The following IL17RD variants were observed in gnomAD, a reference collection of about 807,000 sequenced individuals.
The protein encoded by IL17RD is interleukin 17 receptor D.
Under a neutral mutation model 80.5 loss-of-function variants are expected in IL17RD, and 52 were observed. The observed-to-expected ratio is 0.65, with a 90% CI of 0.52 to 0.81. IL17RD has a LOEUF of 0.81. Among genes scored for constraint, IL17RD ranks in the 40% least tolerant of loss-of-function variants. The pLI is 0.00. For synonymous variants in IL17RD, 416 were observed against 391.8 expected (o/e 1.06, Z -0.73); for missense variants, 1,024 against 955.1 (o/e 1.07, Z -0.95).
rs959264239 is a variant in IL17RD at position 57,093,900 on chromosome 3, A to G, written c.*2493T>C. The G allele has an allele frequency of 6.6e-6, 1 of 152,198 alleles. No individual in the cohort carries two copies. Among genetic ancestry groups the G allele is most frequent in the African/African-American group, 2.4e-5 (1 of 41,436 alleles). 9.4% of individuals were successfully genotyped at this position (152,198 alleles called of 1,614,324 possible). On this transcript the variant is annotated 3_prime_UTR_variant, in exon 13 of 13. Transcript: ENST00000296318. ...AACAACTAGCACTCTACCTTCAGCT[A>G]CCCGCAGGCTTCTTGGTTTTCCTGG...
Position 57,146,041 on chromosome 3 carries a change from G to GCACACACACTCA in IL17RD, c.126+19119_126+19120insTGAGTGTGTGTG, listed in dbSNP as rs1297915825. Among the ~76,000 whole-genome samples, 50 of 145,950 alleles carry GCACACACACTCA rather than the reference G, an allele frequency of 3.4e-4. 1 individual carries two copies. The highest frequency in any genetic ancestry group is 5.1e-4 in the Non-Finnish European group (34 of 66,944). ...CGCACACACACACTCACGCGCGCGC[G>GCACACACACTCA]CGCGCACACACACACACACTGATGC... On this transcript the variant is annotated intron_variant, in intron 1 of 12. Transcript: ENST00000296318.
At chr3:57,127,295 AAT>A (rs1192313491) in intron 1 of IL17RD, among the ~76,000 whole-genome samples, 3 of 87,842 alleles carry the variant, frequency 3.4e-5, no homozygotes, top group Non-Finnish European at 5.9e-5. Flanking sequence ...AATATATATA[AAT>A]ATATATAAAA....
chr3:57,133,073 T>C (rs1172783523), intron 1 of IL17RD, among the ~76,000 whole-genome samples: 2 of 152,188 alleles, frequency 1.3e-5, no homozygotes, highest in Non-Finnish European at 2.9e-5. Flanking sequence ...GCAAAACTCA[T>C]TCAGCTTCAA....
intron 1 of IL17RD, among the ~76,000 whole-genome samples, chr3:57,158,409 T>G (rs757701161): frequency 6.6e-5 from 10 of 152,344 alleles, no homozygotes; most frequent in Non-Finnish European, 1.3e-4. Flanking sequence ...ATAAGCACAG[T>G]AGAGGTAGTT....
intron 1 of IL17RD, among the ~76,000 whole-genome samples, chr3:57,154,186 C>T (rs2060250942): frequency 1.3e-5 from 2 of 151,162 alleles, no homozygotes; most frequent in Non-Finnish European, 2.9e-5. Context: ...GAGTTCAAGG[C>T]TGCAACGAGC....
upstream of IL17RD, among the ~76,000 whole-genome samples, chr3:57,166,416 G>A (rs575189809): frequency 1.3e-5 from 2 of 152,104 alleles, no homozygotes; most frequent in Admixed American, 6.5e-5. Context: ...CTAGAGGATC[G>A]CTTGAGTTCA....
intron 12 of IL17RD, 90 bp downstream of exon 12, chr3:57,097,506 G>T: frequency 5.0e-6 from 5 of 995,798 alleles, no homozygotes; most frequent in South Asian, 1.4e-5. Context: ...CCAATAAGTT[G>T]GCACCAAAAG....
intron 1 of IL17RD, among the ~76,000 whole-genome samples, chr3:57,143,647 G>A (rs200247850): frequency 6.6e-6 from 1 of 152,214 alleles, no homozygotes; most frequent in African/African-American, 2.4e-5. Flanking sequence ...TTAATGCAAA[G>A]CCCTCAATGT....
At chr3:57,135,647 C>T (rs1707709353) in intron 1 of IL17RD, among the ~76,000 whole-genome samples, 1 of 152,174 alleles carries the variant, frequency 6.6e-6, no homozygotes, top group African/African-American at 2.4e-5. Flanking sequence ...CATAAATCTC[C>T]ACCAGCTATC....
At chr3:57,124,937 C>T (rs1472515609) in intron 1 of IL17RD, among the ~76,000 whole-genome samples, 1 of 152,128 alleles carries the variant, frequency 6.6e-6, no homozygotes, top group Non-Finnish European at 1.5e-5. Context: ...TCAGAGCTGC[C>T]GCTTGAGATT....
chr3:57,165,251 A>G lies in IL17RD; in HGVS notation c.36T>C (p.Phe12=). The G allele has an allele frequency of 6.5e-7, 1 of 1,527,288 alleles. No individual in the cohort carries two copies. Among genetic ancestry groups the G allele is most frequent in the African/African-American group, 1.4e-5 (1 of 69,834 alleles). The allele number at this position is 1,527,288 out of a possible 1,614,324, so 94.6% of individuals were successfully genotyped here. ...AGCCGTTGAGGCAGGCGTTGACCGT[A>G]AAGAAGACGGAGCAGAGCTGCAGCC... The part of the protein sequence containing the change: ...APWLQLCSVF[F]TVNACLNGSQ... The change falls in exon 1 of 13, where the codon TTT becomes TTC. Residue 12 remains phenylalanine, a synonymous_variant. Coordinates refer to ENST00000296318, the MANE Select transcript of IL17RD (RefSeq NM_017563.5).
chr3:57,128,970 T>C (rs1707551286), intron 1 of IL17RD, among the ~76,000 whole-genome samples: 1 of 152,194 alleles, frequency 6.6e-6, no homozygotes, highest in African/African-American at 2.4e-5. Context: ...ACAGGATTGT[T>C]CCATTTTTCC....
chr3:57,122,498 C>A (rs1579285187), intron 1 of IL17RD, among the ~76,000 whole-genome samples: 1 of 152,188 alleles, frequency 6.6e-6, no homozygotes, highest in South Asian at 2.1e-4. Flanking sequence ...AGCAGTGGCA[C>A]TGGATTCTTA....
intron 2 of IL17RD, 103 bp downstream of exon 2, chr3:57,120,153 A>C (rs1707302367): frequency 3.3e-6 from 3 of 915,980 alleles, no homozygotes; most frequent in Non-Finnish European, 1.8e-6. Context: ...GGTTCAGAAA[A>C]TTCGTCAACC....
At chr3:57,148,927 C>A (rs993346835) in intron 1 of IL17RD, among the ~76,000 whole-genome samples, 1 of 152,096 alleles carries the variant, frequency 6.6e-6, no homozygotes, top group Non-Finnish European at 1.5e-5. Context: ...TCAAGAGCAT[C>A]CCAACTAACC....
At chr3:57,128,366 A>T (rs1018544386) in intron 1 of IL17RD, among the ~76,000 whole-genome samples, 5 of 152,192 alleles carry the variant, frequency 3.3e-5, no homozygotes, top group Non-Finnish European at 7.4e-5. Context: ...ACATGTTGCT[A>T]ATCAGCACAC....
chr3:57,112,018 G>A (rs1172100590), intron 3 of IL17RD, among the ~76,000 whole-genome samples: 1 of 151,840 alleles, frequency 6.6e-6, no homozygotes, highest in Non-Finnish European at 1.5e-5. Flanking sequence ...GGCAAGCGGT[G>A]GTTCTTGTTC....
At chr3:57,112,001 T>C (rs1481711572) in intron 3 of IL17RD, among the ~76,000 whole-genome samples, 2 of 151,210 alleles carry the variant, frequency 1.3e-5, no homozygotes, top group Non-Finnish European at 2.9e-5. Flanking sequence ...AATTCATCAG[T>C]TGGGGTGGCA....
rs1707508530 is a variant in IL17RD, at chr3:57,127,357, TAAATATAA to T, written c.127-7052_127-7045del. Among the ~76,000 whole-genome samples, 5 of 93,218 alleles carry T rather than the reference TAAATATAA, an allele frequency of 5.4e-5. 1 individual carries two copies. Among genetic ancestry groups the T allele is most frequent in the African/African-American group, 3.1e-4 (5 of 16,158 alleles). 61.2% of individuals were successfully genotyped at this position (93,218 alleles called of 152,430 possible). A position where few individuals can be genotyped will look rare whatever the true frequency, so the allele number is the denominator to read the frequency against. On this transcript the variant is annotated intron_variant, in intron 1 of 12. Transcript: ENST00000296318. Reference sequence around the variant, plus strand: ...ATATAAAAATATATATAAATATATATAAATATAAATATATATATATAAATAAATAAATA... The same window carrying T: ...ATATAAAAATATATATAAATATATATATATATATATATAAATAAATAAATA...
Sources: gnomAD v4.1 joint callset for allele counts (sites outside exome capture counted in the v4.1 genomes callset) on GRCh38, gnomAD v4.1.1 for gene constraint, MANE v1.5 for transcripts, NCBI Gene and HGNC (gene_info 2026-07-23, HGNC 2026-07-21) for gene names.